GAK: variants seen among roughly 807,000 people sequenced by gnomAD.
The protein encoded by GAK is cyclin-G-associated kinase.
In GAK, 79 loss-of-function variants were observed where a neutral mutation model predicts 143.9. The ratio of observed to expected loss-of-function variants is 0.55; its 90% CI spans 0.46 to 0.66. GAK has a LOEUF of 0.66. Among genes scored for constraint, GAK ranks in the 30% least tolerant of loss-of-function variants. The pLI is 0.00. For synonymous variants in GAK, 881 were observed against 765.5 expected (o/e 1.15, Z -2.49); for missense variants, 1,693 against 1,779.7 (o/e 0.95, Z 0.88).
chr4:866,706 C>T (rs538954834), intron 21 of GAK, among the ~76,000 whole-genome samples, 172 bp from the exon 22 acceptor site: 93 of 152,304 alleles, frequency 6.1e-4, no homozygotes, highest in Admixed American at 2.0e-3. Context: ...CCGTGCCCCA[C>T]GCCTCAGGAT....
rs376462680 is a variant in GAK, at chr4:893,854, C to A, written c.877+20G>T. On this transcript the variant is annotated intron_variant, in intron 8 of 27. Coordinates refer to ENST00000314167, the MANE Select transcript of GAK (RefSeq NM_005255.4). ...GTGCTCCAGGGTCCTGCCCCACGCA[C>A]GCATTCCACCGGGACTTACGGATGA... 4 of 1,561,532 alleles carry A rather than the reference C, an allele frequency of 2.6e-6. No individual in the cohort carries two copies. The highest frequency in any genetic ancestry group is 3.5e-6 in the Non-Finnish European group (4 of 1,150,380).
intron 20 of GAK, among the ~76,000 whole-genome samples, chr4:868,306 T>A (rs1711513117): frequency 6.6e-6 from 1 of 152,114 alleles, no homozygotes; most frequent in African/African-American, 2.4e-5. Context: ...CGAGGGTTGT[T>A]ATTTCAGACT....
chr4:890,682 T>G, intron 9 of GAK, 60 bp from the exon 10 acceptor site: 3 of 1,424,298 alleles, frequency 2.1e-6, no homozygotes, highest in Non-Finnish European at 2.9e-6. Context: ...CCTGCCCACG[T>G]CGGGCAGAGG....
intron 6 of GAK, among the ~76,000 whole-genome samples, chr4:897,751 C>G (rs1416476680): frequency 1.3e-5 from 2 of 152,218 alleles, no homozygotes; most frequent in African/African-American, 4.8e-5. Context: ...GAGATAGAGA[C>G]CATCCTGGCC....
rs1202625982 is a variant in GAK at position 867,443 on chromosome 4, G to A, written c.2396-11C>T. ...CTGCCTCCTTCTCTTCTGCGAAAAG[G>A]AAACAAAACCACAGGCTAGTGAGAC... On this transcript the variant is annotated splice_polypyrimidine_tract_variant and intron_variant, in intron 20 of 27. Transcript: ENST00000314167. 5.3e-6 allele frequency: 8 copies of A among 1,512,720 alleles called. No individual in the cohort carries two copies. Among genetic ancestry groups the A allele is most frequent in the Non-Finnish European group, 7.1e-6 (8 of 1,126,910 alleles). The allele number at this position is 1,512,720 out of a possible 1,614,324, so 93.7% of individuals were successfully genotyped here.
intron 1 of GAK, among the ~76,000 whole-genome samples, chr4:928,028 G>A (rs1174975904): frequency 3.3e-5 from 5 of 152,310 alleles, no homozygotes; most frequent in East Asian, 1.9e-4. Flanking sequence ...GAAGAGGGTC[G>A]GCTACAAGGC....
chr4:850,129 G>T, intron 26 of GAK, 61 bp from the exon 27 acceptor site: 7 of 1,458,368 alleles, frequency 4.8e-6, no homozygotes, highest in South Asian at 1.3e-5. Flanking sequence ...CCTCTGCACC[G>T]CGGAAACTGA....
intron 23 of GAK, among the ~76,000 whole-genome samples, chr4:860,748 C>A (rs1178801248): frequency 6.6e-6 from 1 of 151,696 alleles, no homozygotes; most frequent in Non-Finnish European, 1.5e-5. Context: ...TCGCACTGTG[C>A]ACTCGAGGGG....
At chr4:883,249 A>C in intron 13 of GAK, 66 bp downstream of exon 13, 1 of 1,568,432 alleles carries the variant, frequency 6.4e-7, no homozygotes, top group Non-Finnish European at 8.7e-7. Flanking sequence ...GCCCTCAGCT[A>C]TGCCCCTGCA....
intron 24 of GAK, among the ~76,000 whole-genome samples, chr4:856,338 CT>C (rs1749169649): frequency 7.6e-6 from 1 of 130,830 alleles, no homozygotes; most frequent in African/African-American, 3.0e-5. Flanking sequence ...ACCACAGCTG[CT>C]CACACCTGCT....
chr4:859,205 G>A (rs974601308), intron 24 of GAK: 1 of 985,364 alleles, frequency 1.0e-6, no homozygotes, highest in Non-Finnish European at 1.2e-6. Flanking sequence ...GCAGACGCAG[G>A]ACTGGAGAGG....
intron 6 of GAK, among the ~76,000 whole-genome samples, chr4:896,952 AG>A (rs1048373630): frequency 3.9e-5 from 6 of 152,330 alleles, no homozygotes; most frequent in Admixed American, 3.9e-4. Flanking sequence ...AGGGTACGTG[AG>A]GGTATCTGGG....
chr4:887,218 C>A (rs904272075), intron 11 of GAK: 4 of 132,102 alleles, frequency 3.0e-5, no homozygotes, highest in Non-Finnish European at 5.1e-5. Flanking sequence ...CGTACACATG[C>A]ACGCGGCTCA....
intron 7 of GAK, 24 bp from the exon 8 acceptor site, chr4:894,033 C>A: frequency 6.4e-7 from 1 of 1,565,118 alleles, no homozygotes; most frequent in Non-Finnish European, 8.7e-7. Context: ...AGGGGTGATG[C>A]CTAGGCCCAC....
At chr4:909,871 G>A (rs1721735605) in intron 4 of GAK, among the ~76,000 whole-genome samples, 1 of 152,196 alleles carries the variant, frequency 6.6e-6, no homozygotes, top group African/African-American at 2.4e-5. Flanking sequence ...CATCCCCACA[G>A]TGTCAGATGA....
At chr4:855,000 G>C (rs1748884646) in intron 24 of GAK, among the ~76,000 whole-genome samples, 1 of 152,192 alleles carries the variant, frequency 6.6e-6, no homozygotes, top group Admixed American at 6.5e-5. Flanking sequence ...GCCGAGATCA[G>C]GCCACTGCAC....
chr4:888,552 G>C (rs2279184), intron 11 of GAK: 241,371 of 385,944 alleles, frequency 0.63, 76,905 homozygotes, highest in East Asian at 0.75. Flanking sequence ...CCGGGAACAA[G>C]CCAGGAACGC....
chr4:916,861 T>A (rs1488752791), intron 1 of GAK, among the ~76,000 whole-genome samples: 1 of 152,082 alleles, frequency 6.6e-6, no homozygotes, highest in Non-Finnish European at 1.5e-5. Flanking sequence ...CCAAGAAAAA[T>A]GAAGGCACAT....
At position 917,010 on chromosome 4, in the gene GAK, T is replaced by C. The variant is rs368709572; in HGVS notation, c.146-3342A>G. Among the ~76,000 whole-genome samples the C allele has an allele frequency of 1.1e-4, 16 of 152,362 alleles. No homozygotes were observed. In the South Asian group the frequency reaches 2.9e-3, roughly 28 times the overall value. On this transcript the variant is annotated intron_variant, in intron 1 of 27. Transcript: ENST00000314167. ...CTAGCAATAAAAAGGAGGAAACTGC[T>C]GTTACATGCAACAACATGAATAACA...
Sources: gnomAD v4.1 joint callset for allele counts (sites outside exome capture counted in the v4.1 genomes callset) on GRCh38, gnomAD v4.1.1 for gene constraint, MANE v1.5 for transcripts, NCBI Gene and HGNC (gene_info 2026-07-23, HGNC 2026-07-21) for gene names.